Variants in KHDRBS2 observed in about 807,000 individuals in gnomAD.
KHDRBS2 encodes KH domain-containing, RNA-binding, signal transduction-associated protein 2.
Under a neutral mutation model 44.3 loss-of-function variants are expected in KHDRBS2, and 26 were observed. The observed-to-expected ratio is 0.59, with a 90% confidence interval of 0.43 to 0.81. The LOEUF (loss-of-function observed/expected upper bound fraction) is 0.81, where lower values mean the gene tolerates loss of function less well. KHDRBS2 is among the 40% of genes least tolerant of loss of function. KHDRBS2 has a pLI of 0.00. For missense variants in KHDRBS2, 476 were observed against 433.1 expected, an observed-to-expected ratio of 1.10 and a Z score of -0.88; for synonymous variants, 194 against 151.1, an observed-to-expected ratio of 1.28 and a Z score of -2.08.
chr6:61,840,864 G>A (rs1411142923), intron 6 of KHDRBS2, among the ~76,000 whole-genome samples: 2 of 152,072 alleles, frequency 1.3e-5, no homozygotes, highest in African/African-American at 2.4e-5. Context: ...TTTCATTCCC[G>A]AAACATGCAG....
the KHDRBS2 span, among the ~76,000 whole-genome samples, chr6:61,596,376 T>C: frequency 2.0e-5 from 3 of 152,206 alleles, no homozygotes; most frequent in African/African-American, 7.2e-5. Context: ...GACATTTTAT[T>C]TTACCAACAA....
intron 1 of KHDRBS2, among the ~76,000 whole-genome samples, chr6:62,265,112 T>C (rs1479608104): frequency 1.3e-5 from 2 of 151,962 alleles, no homozygotes; most frequent in Non-Finnish European, 2.9e-5. Context: ...CAGAGAACTA[T>C]TAAGCTTAAA....
chr6:62,164,427 G>T (rs76459384), intron 2 of KHDRBS2, among the ~76,000 whole-genome samples: 196 of 151,850 alleles, frequency 1.3e-3, no homozygotes, highest in Middle Eastern at 0.01. Flanking sequence ...TACATTAATT[G>T]CTTTACATTA....
intron 6 of KHDRBS2, among the ~76,000 whole-genome samples, chr6:61,887,470 G>C (rs1443535609): frequency 6.6e-6 from 1 of 151,980 alleles, no homozygotes; most frequent in Non-Finnish European, 1.5e-5. Flanking sequence ...TTAAAGTCTG[G>C]GTTACGATGT....
chr6:62,082,418 G>A (rs950088907), intron 2 of KHDRBS2, among the ~76,000 whole-genome samples: 1 of 151,556 alleles, frequency 6.6e-6, no homozygotes, highest in Non-Finnish European at 1.5e-5. Context: ...GTTTCTTTTT[G>A]TCTTGATTTG....
rs1449833864 is a variant in KHDRBS2 at position 62,011,399 on chromosome 6, G to A, written c.337-33187C>T. Reference sequence around the variant, plus strand: ...CGAAAGTAAACAATGATGTAGAAATGTGAAAAATATTCACATTACAATGAA... The same window carrying A: ...CGAAAGTAAACAATGATGTAGAAATATGAAAAATATTCACATTACAATGAA... On this transcript the variant is annotated intron_variant, in intron 3 of 8. Coordinates refer to ENST00000281156, the MANE Select transcript of KHDRBS2 (RefSeq NM_152688.4). Among the ~76,000 whole-genome samples, 5 of 152,114 alleles carry A rather than the reference G, an allele frequency of 3.3e-5. No homozygotes were observed. The East Asian group carries it at 5.8e-4, about 18-fold the overall frequency.
intron 3 of KHDRBS2, among the ~76,000 whole-genome samples, chr6:61,999,633 A>C (rs972663234): frequency 2.6e-5 from 4 of 152,096 alleles, no homozygotes; most frequent in African/African-American, 7.2e-5. Context: ...ATATCCAACA[A>C]TTTGCATAAA....
chr6:61,631,335 A>AAAAAAAAAAAC, the KHDRBS2 span, among the ~76,000 whole-genome samples: 1 of 104,678 alleles, frequency 9.6e-6, no homozygotes, highest in Non-Finnish European at 2.0e-5. Context: ...AAAAAAAAAA[A>AAAAAAAAAAAC]AAGACAATAC....
chr6:61,744,981 T>A (rs1366906471), intron 6 of KHDRBS2, among the ~76,000 whole-genome samples: 3 of 152,196 alleles, frequency 2.0e-5, no homozygotes, highest in African/African-American at 7.2e-5. Context: ...TCAATAGTTT[T>A]ACAAGTTTCA....
the KHDRBS2 span, among the ~76,000 whole-genome samples, chr6:61,663,780 T>C: frequency 2.0e-5 from 3 of 151,432 alleles, no homozygotes; most frequent in African/African-American, 7.3e-5. Flanking sequence ...ACACCCTGAA[T>C]TATTTGATGA....
At chr6:61,983,522 G>A (rs1475056420) in intron 3 of KHDRBS2, among the ~76,000 whole-genome samples, 2 of 151,906 alleles carry the variant, frequency 1.3e-5, no homozygotes, top group Non-Finnish European at 2.9e-5. Flanking sequence ...GATAGTCTGG[G>A]GACCTCGAGA....
intron 3 of KHDRBS2, among the ~76,000 whole-genome samples, chr6:62,006,004 T>C (rs1035985092): frequency 8.5e-5 from 13 of 152,054 alleles, no homozygotes; most frequent in Admixed American, 5.2e-4. Flanking sequence ...GCAATAAGAC[T>C]GTTTAACATA....
chr6:62,112,181 T>C (rs1247793394), intron 2 of KHDRBS2, among the ~76,000 whole-genome samples: 1 of 152,150 alleles, frequency 6.6e-6, no homozygotes, highest in South Asian at 2.1e-4. Flanking sequence ...TTTCATAATG[T>C]ATCTAAATCA....
intron 6 of KHDRBS2, among the ~76,000 whole-genome samples, chr6:61,866,477 GA>G (rs1382370119): frequency 1.3e-5 from 2 of 152,176 alleles, no homozygotes; most frequent in African/African-American, 4.8e-5. Flanking sequence ...CTGGGCCTGT[GA>G]TGGAAGGGGC....
chr6:62,156,734 T>C (rs972728508), intron 2 of KHDRBS2, among the ~76,000 whole-genome samples: 20 of 151,890 alleles, frequency 1.3e-4, no homozygotes, highest in African/African-American at 4.6e-4. Context: ...TGCAGTGGCG[T>C]GATCTCGGCT....
chr6:61,855,773 T>C (rs1456273837), intron 6 of KHDRBS2, among the ~76,000 whole-genome samples: 1 of 151,994 alleles, frequency 6.6e-6, no homozygotes, highest in Non-Finnish European at 1.5e-5. Flanking sequence ...CAGTGTCTCT[T>C]TCCTTTGGCG....
intron 4 of KHDRBS2, among the ~76,000 whole-genome samples, chr6:61,918,040 G>A (rs894754695): frequency 2.0e-5 from 3 of 151,876 alleles, no homozygotes; most frequent in African/African-American, 7.2e-5. Context: ...TCATCTTTAT[G>A]GCGCATCGGC....
At chr6:62,156,030 G>A (rs927253389) in intron 2 of KHDRBS2, among the ~76,000 whole-genome samples, 1 of 152,104 alleles carries the variant, frequency 6.6e-6, no homozygotes, top group Non-Finnish European at 1.5e-5. Context: ...TTGTTTGGCA[G>A]CCACATTTTG....
chr6:61,945,106 AAAAAAAG>A (rs1812976399), intron 4 of KHDRBS2, among the ~76,000 whole-genome samples: 1 of 62,854 alleles, frequency 1.6e-5, no homozygotes, highest in Non-Finnish European at 2.7e-5. Context: ...AAAAAAAAAA[AAAAAAAG>A]TATATATATA....
Sources: allele counts gnomAD v4.1 joint callset (sites outside exome capture counted in the v4.1 genomes callset), GRCh38; gene constraint gnomAD v4.1.1; transcripts MANE v1.5; gene names NCBI Gene and HGNC (gene_info 2026-07-23, HGNC 2026-07-21).